The following ALDH1A3 variants were observed in gnomAD, a reference collection of about 807,000 sequenced individuals.
ALDH1A3 encodes aldehyde dehydrogenase 1 family member A3.
In ALDH1A3, 28 loss-of-function variants were observed where a neutral mutation model predicts 57.5. The ratio of observed to expected loss-of-function variants is 0.49; its 90% confidence interval spans 0.36 to 0.67. The LOEUF (loss-of-function observed/expected upper bound fraction) is 0.67, where lower values mean the gene tolerates loss of function less well. ALDH1A3 is among the 30% of genes least tolerant of loss of function. The pLI is 0.00. For synonymous variants in ALDH1A3, 281 were observed against 264.8 expected (o/e 1.06, Z -0.59); for missense variants, 507 against 669.4 (o/e 0.76, Z 2.68).
intron 2 of ALDH1A3, among the ~76,000 whole-genome samples, chr15:100,886,665 C>T (rs2041597499): frequency 6.6e-6 from 1 of 152,178 alleles, no homozygotes; most frequent in African/African-American, 2.4e-5. Flanking sequence ...ATGAATGTGG[C>T]CCATTTTCCT....
rs1430013395 is a variant in ALDH1A3 at position 100,900,729 on chromosome 15, C to G, written c.1038C>G (p.Pro346=). Reference sequence around the variant, plus strand: ...CCAAGAAACGGCCCGTGGGAGACCCCTTCGATGTCAAAACAGAACAGGGGC... The same window carrying G: ...CCAAGAAACGGCCCGTGGGAGACCCGTTCGATGTCAAAACAGAACAGGGGC... ...EYAKKRPVGD[P]FDVKTEQGPQ... is the part of the protein sequence containing the mutation. The change falls in exon 9 of 13, where the codon CCC becomes CCG. Residue 346 remains proline (P), a synonymous_variant. Coordinates refer to ENST00000329841, the MANE Select transcript of ALDH1A3 (RefSeq NM_000693.4). The G allele has an allele frequency of 6.2e-7, 1 of 1,614,114 alleles. No homozygotes were observed. Among genetic ancestry groups the G allele is most frequent in the Admixed American group, 1.7e-5 (1 of 60,022 alleles).
At position 100,887,779 on chromosome 15, in the gene ALDH1A3, G is replaced by C. The variant is rs925227990; in HGVS notation, c.345+67G>C. 3.1e-5 allele frequency: 46 copies of C among 1,490,720 alleles called. No homozygotes were observed. The highest frequency in any genetic ancestry group is 4.1e-5 in the Non-Finnish European group (46 of 1,116,084). The allele number at this position is 1,490,720 out of a possible 1,614,324, so 92.3% of individuals were successfully genotyped here. ...CTCACTGAGGGTCCTGTCCACCATG[G>C]GGTATGGGAAAAAAGATCACGGTCC... On this transcript the variant is annotated intron_variant, in intron 3 of 12. Coordinates refer to ENST00000329841, the MANE Select transcript of ALDH1A3 (RefSeq NM_000693.4). This position sits in a 1 kb window ranked among gnomAD's most constrained non-coding sequence, Gnocchi z 4.6.
chr15:100,887,495 G>A lies in ALDH1A3; in HGVS notation c.205-77G>A, dbSNP rs2141549905. On this transcript the variant is annotated intron_variant, in intron 2 of 12. Coordinates refer to ENST00000329841, the MANE Select transcript of ALDH1A3 (RefSeq NM_000693.4). This position sits in a 1 kb window ranked among gnomAD's most constrained non-coding sequence, Gnocchi z 4.6. ...CTCAAAAGATGACACCCAAACTTCA[G>A]TCACGTCAAAAGATGACACCCAAAC... 2 of 1,436,674 alleles carry A rather than the reference G, an allele frequency of 1.4e-6. No homozygotes were observed. Among genetic ancestry groups the A allele is most frequent in the Middle Eastern group, 1.9e-4 (1 of 5,214 alleles). The allele number at this position is 1,436,674 out of a possible 1,614,324, so 89.0% of individuals were successfully genotyped here. A position where few individuals can be genotyped will look rare whatever the true frequency, so the allele number is the denominator to read the frequency against.
At chr15:100,880,372 C>T (rs1181012091) in intron 1 of ALDH1A3, 1 of 372,690 alleles carries the variant, frequency 2.7e-6, no homozygotes. Context: ...TTGGGGAGCT[C>T]CCTCCCCAAA....
Position 100,904,452 on chromosome 15 carries a change from G to A in ALDH1A3, c.1069-1071G>A, listed in dbSNP as rs567101070. The stretch of plus-strand genomic sequence containing the variant: ...CTCTCCTGCTCCTCCAGGACAGACC[G>A]TCATCCAATTGCACCACTGGGTTTG... On this transcript the variant is annotated intron_variant, in intron 9 of 12. Transcript: ENST00000329841. Among the ~76,000 whole-genome samples the A allele has an allele frequency of 2.2e-3, 334 of 152,322 alleles. 2 individuals are homozygous for A. Among genetic ancestry groups the A allele is most frequent in the Non-Finnish European group, 3.3e-3 (224 of 68,038 alleles).
At chr15:100,898,960 G>A (rs904132503) in intron 8 of ALDH1A3, among the ~76,000 whole-genome samples, 1 of 152,184 alleles carries the variant, frequency 6.6e-6, no homozygotes, top group Non-Finnish European at 1.5e-5. Flanking sequence ...TCCCAGACCT[G>A]TCCACGGGTG....
rs2041671250 is a variant in ALDH1A3, at chr15:100,893,407, G to A, written c.537+401G>A. ...TTGGAAGGGAACAGCAGGAAAGCTG[G>A]TGGGGCTAGAGCTCAGGCAGGAGCA... On this transcript the variant is annotated intron_variant, in intron 5 of 12. Coordinates refer to ENST00000329841, the MANE Select transcript of ALDH1A3 (RefSeq NM_000693.4). The surrounding 1 kb of genome is among the most constrained non-coding windows in gnomAD (Gnocchi z 4.8). 5.5e-6 allele frequency: 1 copy of A among 182,580 alleles called. No individual in the cohort carries two copies. Among genetic ancestry groups the A allele is most frequent in the Admixed American group, 5.7e-5 (1 of 17,496 alleles). The allele number at this position is 182,580 out of a possible 1,614,324, so 11.3% of individuals were successfully genotyped here. A position where few individuals can be genotyped will look rare whatever the true frequency, so the allele number is the denominator to read the frequency against.
At chr15:100,904,223 A>G (rs2041799348) in intron 9 of ALDH1A3, among the ~76,000 whole-genome samples, 1 of 151,686 alleles carries the variant, frequency 6.6e-6, no homozygotes. Flanking sequence ...GGTGTGAGGT[A>G]TGGATCTGAG....
rs767531940 is a variant in ALDH1A3 at position 100,893,032 on chromosome 15, G to A, written c.537+26G>A. 6.2e-7 allele frequency: 1 copy of A among 1,604,892 alleles called. No homozygotes were observed. Among genetic ancestry groups the A allele is most frequent in the Non-Finnish European group, 8.5e-7 (1 of 1,173,192 alleles). On this transcript the variant is annotated intron_variant, in intron 5 of 12. Transcript: ENST00000329841. This position sits in a 1 kb window ranked among gnomAD's most constrained non-coding sequence, Gnocchi z 4.8. ...GTAAGTATGGCAGCCTTTCTCAGTA[G>A]ATTCTATGTAGATCCTGCCCCACTG...
intron 12 of ALDH1A3, among the ~76,000 whole-genome samples, chr15:100,911,170 CTTCAG>C (rs1469533383): frequency 9.9e-5 from 15 of 152,244 alleles, no homozygotes; most frequent in African/African-American, 3.6e-4. Flanking sequence ...CAATTTCTGT[CTTCAG>C]TTGTCTCTAA....
chr15:100,907,361 C>T (rs1022380997), intron 11 of ALDH1A3, 83 bp downstream of exon 11: 2 of 1,463,810 alleles, frequency 1.4e-6, no homozygotes, highest in Non-Finnish European at 1.9e-6. Flanking sequence ...GAGAGTTTCT[C>T]ATTGTTTACA....
chr15:100,909,076 C>T lies in ALDH1A3; in HGVS notation c.1466+594C>T, dbSNP rs191196630. 1.9e-3 allele frequency among the ~76,000 whole-genome samples: 276 copies of T among 148,126 alleles called. 2 individuals carry two copies. The highest frequency in any genetic ancestry group is 6.1e-3 in the African/African-American group (244 of 39,682). On this transcript the variant is annotated intron_variant, in intron 12 of 12. Transcript: ENST00000329841. The stretch of plus-strand genomic sequence containing the variant: ...GTGCAAACCCACTGCAAACCCTCCA[C>T]GCGTGCATGTAAACCCACTGCAAAC...
chr15:100,884,145 G>C (rs1376358389), intron 1 of ALDH1A3, among the ~76,000 whole-genome samples: 1 of 152,244 alleles, frequency 6.6e-6, no homozygotes, highest in Non-Finnish European at 1.5e-5. Flanking sequence ...GCCATTCCAA[G>C]TTGGTGTAGC....
In ALDH1A3 at chr15:100,893,662, G is replaced by A; in HGVS notation, c.538-292G>A. The A allele has an allele frequency of 3.5e-6, 1 of 287,154 alleles. No homozygotes were observed. The highest frequency in any genetic ancestry group is 6.4e-5 in the East Asian group (1 of 15,652). 17.8% of individuals were successfully genotyped at this position (287,154 alleles called of 1,614,324 possible). ...AACATGAAGTGAGGGTTCAAAAAGT[G>A]CCCATGGAGGCAGGGAGGAGGACAC... On this transcript the variant is annotated intron_variant, in intron 5 of 12. Transcript: ENST00000329841. This position sits in a 1 kb window ranked among gnomAD's most constrained non-coding sequence, Gnocchi z 4.8.
chr15:100,908,585 C>G, intron 12 of ALDH1A3, 103 bp downstream of exon 12: 1 of 1,036,780 alleles, frequency 9.6e-7, no homozygotes, highest in African/African-American at 1.6e-5. Context: ...CCCGTCCCCC[C>G]CACACCGCCG....
chr15:100,904,333 A>G (rs1367545780), intron 9 of ALDH1A3, among the ~76,000 whole-genome samples: 1 of 152,188 alleles, frequency 6.6e-6, no homozygotes, highest in African/African-American at 2.4e-5. Flanking sequence ...TTGGCCTGGT[A>G]TAAAGTGTGA....
At chr15:100,883,161 C>T (rs1165190764) in intron 1 of ALDH1A3, among the ~76,000 whole-genome samples, 2 of 152,096 alleles carry the variant, frequency 1.3e-5, no homozygotes, top group Non-Finnish European at 2.9e-5. Context: ...TCTCATTTTC[C>T]CTCCCCCTTG....
At position 100,893,104 on chromosome 15, in the gene ALDH1A3, C is replaced by A; in HGVS notation, c.537+98C>A. 4 of 1,138,298 alleles carry A rather than the reference C, an allele frequency of 3.5e-6. No individual in the cohort carries two copies. The highest frequency in any genetic ancestry group is 1.5e-5 in the South Asian group (1 of 67,158). The allele number at this position is 1,138,298 out of a possible 1,614,324, so 70.5% of individuals were successfully genotyped here. A position where few individuals can be genotyped will look rare whatever the true frequency, so the allele number is the denominator to read the frequency against. On this transcript the variant is annotated intron_variant, in intron 5 of 12. Coordinates refer to ENST00000329841, the MANE Select transcript of ALDH1A3 (RefSeq NM_000693.4). This position sits in a 1 kb window ranked among gnomAD's most constrained non-coding sequence, Gnocchi z 4.8. ...TTTCTGGTGTGTTTTTATCTGATTG[C>A]ACCAGCGTTGAACAAGCATTTTCTT...
intron 8 of ALDH1A3, among the ~76,000 whole-genome samples, chr15:100,899,349 C>G (rs1013651707): frequency 2.0e-5 from 3 of 152,198 alleles, no homozygotes; most frequent in African/African-American, 7.2e-5. Context: ...TCCTGTGCCA[C>G]CGTATCTGGA....
Sources: gnomAD v4.1 joint callset for allele counts (sites outside exome capture counted in the v4.1 genomes callset) on GRCh38, gnomAD v4.1.1 for gene constraint, Gnocchi (gnomAD v3.1) non-coding constraint, MANE v1.5 for transcripts, NCBI Gene and HGNC (gene_info 2026-07-23, HGNC 2026-07-21) for gene names.